SPIN1: variants seen among roughly 807,000 people sequenced by gnomAD.
SPIN1 encodes the protein spindlin 1, also known as spindlin-1.
SPIN1 carries 3 observed loss-of-function variants against 26.0 expected under a neutral mutation model. The ratio of observed to expected loss-of-function variants is 0.12; its 90% CI spans 0.05 to 0.30. The LOEUF (loss-of-function observed/expected upper bound fraction) is 0.30, where lower values mean the gene tolerates loss of function less well. Ranked by LOEUF, SPIN1 falls within the 10% of genes least tolerant of loss-of-function variation. The probability of loss-of-function intolerance (pLI) is 1.00; values close to 1 mark genes in which losing one functional copy is unlikely to be tolerated. For synonymous variants in SPIN1, 101 were observed against 116.5 expected (o/e 0.87, Z 0.86); for missense variants, 126 against 333.4 (o/e 0.38, Z 4.84).
chr9:88,446,289 T>A (rs1242341202), intron 2 of SPIN1, among the ~76,000 whole-genome samples: 2 of 152,234 alleles, frequency 1.3e-5, no homozygotes, highest in Non-Finnish European at 2.9e-5. Flanking sequence ...CTTTTCCCTT[T>A]ACAGTCTTAA....
At chr9:88,446,412 T>TG (rs200424991) in intron 2 of SPIN1, among the ~76,000 whole-genome samples, 3,341 of 137,174 alleles carry the variant, frequency 0.024, 117 homozygotes, top group African/African-American at 0.11. Context: ...TTTGCTGTTT[T>TG]TTTTTTTTTT....
chr9:88,445,518 T>TTTATTATTATTATTA (rs138265190), intron 2 of SPIN1, among the ~76,000 whole-genome samples: 34 of 134,604 alleles, frequency 2.5e-4, no homozygotes, highest in East Asian at 6.6e-4. Context: ...TATTGAGACT[T>TTTATTATTATTATTA]TTATTATTAT....
At chr9:88,428,591 G>A (rs936024574) in intron 2 of SPIN1, among the ~76,000 whole-genome samples, 1 of 152,162 alleles carries the variant, frequency 6.6e-6, no homozygotes, top group Admixed American at 6.5e-5. Context: ...AGCAGGCTGA[G>A]TAAAGTGATG....
At chr9:88,393,344 T>G (rs981760519) in intron 1 of SPIN1, among the ~76,000 whole-genome samples, 4 of 151,794 alleles carry the variant, frequency 2.6e-5, no homozygotes, top group Admixed American at 2.0e-4. Context: ...TGGGCCTGTC[T>G]GCAAATGATT....
intron 4 of SPIN1, among the ~76,000 whole-genome samples, chr9:88,467,063 G>GT (rs546299586): frequency 6.5e-4 from 99 of 151,622 alleles, no homozygotes; most frequent in African/African-American, 2.3e-3. Flanking sequence ...TTGTTTGTTT[G>GT]TTTTTTAAAG....
chr9:88,468,243 A>G, intron 4 of SPIN1, 129 bp from the exon 5 acceptor site: 1 of 579,996 alleles, frequency 1.7e-6, no homozygotes, highest in Non-Finnish European at 2.8e-6. Flanking sequence ...GCTTTCCCAG[A>G]TTCTGATGCT....
intron 2 of SPIN1, 108 bp from the exon 3 acceptor site, chr9:88,448,833 T>G: frequency 1.1e-6 from 1 of 948,578 alleles, no homozygotes; most frequent in Non-Finnish European, 1.6e-6. Flanking sequence ...TAGTGGTGTA[T>G]TTTCTTTTCA....
intron 5 of SPIN1, among the ~76,000 whole-genome samples, chr9:88,473,593 C>T (rs990607080): frequency 6.6e-6 from 1 of 152,014 alleles, no homozygotes; most frequent in Non-Finnish European, 1.5e-5. Context: ...AATTCTGCAT[C>T]GCTTTTCCTA....
chr9:88,433,476 C>T (rs1827927870), intron 2 of SPIN1, among the ~76,000 whole-genome samples: 1 of 152,164 alleles, frequency 6.6e-6, no homozygotes, highest in African/African-American at 2.4e-5. Context: ...CATTTGGAGG[C>T]TTTCCTTGAG....
intron 1 of SPIN1, chr9:88,411,285 C>T (rs1377186152): frequency 9.4e-6 from 12 of 1,271,914 alleles, no homozygotes; most frequent in Non-Finnish European, 1.4e-5. Context: ...GCATATGTGA[C>T]AAACTCAAAG....
intron 1 of SPIN1, among the ~76,000 whole-genome samples, chr9:88,425,999 T>C (rs1387087704): frequency 6.6e-6 from 1 of 152,140 alleles, no homozygotes; most frequent in Non-Finnish European, 1.5e-5. Flanking sequence ...TTGTGTCCCA[T>C]TAGACAGATG....
rs543770420 is a variant in SPIN1, at chr9:88,401,188, A to G, written c.-159+12650A>G. On this transcript the variant is annotated intron_variant, in intron 1 of 5. Transcript: ENST00000375859. ...TCACTGCTAGGATTTTATTGTATAG[A>G]TGAATTTGGACAGTATACAAATACG... Among the ~76,000 whole-genome samples the G allele has an allele frequency of 3.3e-3, 503 of 152,294 alleles. 3 individuals are homozygous for G. Among genetic ancestry groups the G allele is most frequent in the African/African-American group, 0.011 (466 of 41,572 alleles).
chr9:88,447,898 G>T (rs12348532), intron 2 of SPIN1, among the ~76,000 whole-genome samples: 28,206 of 151,950 alleles, frequency 0.19, 3,435 homozygotes, highest in African/African-American at 0.35. Flanking sequence ...CTGCTCCCAG[G>T]TCCCACACAC....
chr9:88,432,867 C>T (rs2118051872), intron 2 of SPIN1, among the ~76,000 whole-genome samples: 1 of 151,808 alleles, frequency 6.6e-6, no homozygotes, highest in African/African-American at 2.4e-5. Context: ...TTTTTAATTT[C>T]AGTCAGCAAC....
At chr9:88,407,289 C>T (rs893303721) in intron 1 of SPIN1, among the ~76,000 whole-genome samples, 3 of 151,976 alleles carry the variant, frequency 2.0e-5, no homozygotes, top group Middle Eastern at 3.4e-3. Flanking sequence ...TACAGGTGTG[C>T]GCCACCATGC....
chr9:88,403,093 G>A (rs993472833), intron 1 of SPIN1, among the ~76,000 whole-genome samples: 2 of 151,984 alleles, frequency 1.3e-5, no homozygotes, highest in African/African-American at 4.8e-5. Context: ...CCATTTGTAT[G>A]TTTTTTGATG....
At chr9:88,392,843 GTTTC>G (rs1292781069) in intron 1 of SPIN1, among the ~76,000 whole-genome samples, 2 of 152,180 alleles carry the variant, frequency 1.3e-5, no homozygotes, top group East Asian at 3.8e-4. Flanking sequence ...ACCACCTGTA[GTTTC>G]TTTCCTATGG....
intron 3 of SPIN1, among the ~76,000 whole-genome samples, chr9:88,460,403 C>A (rs1424520576): frequency 6.6e-6 from 1 of 152,150 alleles, no homozygotes; most frequent in African/African-American, 2.4e-5. Flanking sequence ...CTAGCGATCT[C>A]ATTTCTCATC....
At chr9:88,433,379 G>GA (rs1564031273) in intron 2 of SPIN1, among the ~76,000 whole-genome samples, 1 of 152,182 alleles carries the variant, frequency 6.6e-6, no homozygotes, top group Non-Finnish European at 1.5e-5. Flanking sequence ...CAGTGTACCT[G>GA]CTTATAAATT....
Sources: allele counts gnomAD v4.1 joint callset (sites outside exome capture counted in the v4.1 genomes callset), GRCh38; gene constraint gnomAD v4.1.1; transcripts MANE v1.5; gene names NCBI Gene and HGNC (gene_info 2026-07-23, HGNC 2026-07-21).